Variants in RNF180 observed in about 807,000 individuals in gnomAD.
RNF180 encodes E3 ubiquitin-protein ligase RNF180.
Under a neutral mutation model 59.2 loss-of-function variants are expected in RNF180, and 38 were observed. The observed-to-expected ratio is 0.64, with a 90% confidence interval of 0.50 to 0.84. The LOEUF (loss-of-function observed/expected upper bound fraction) is 0.84. Among genes scored for constraint, RNF180 ranks in the 40% least tolerant of loss-of-function variants. The pLI, the probability that RNF180 is intolerant of heterozygous loss-of-function variation, is 0.00. For synonymous variants in RNF180, 262 were observed against 240.3 expected (o/e 1.09, Z -0.84); for missense variants, 705 against 700.9 (o/e 1.01, Z -0.07).
chr5:64,286,221 T>C (rs936675327), intron 5 of RNF180, among the ~76,000 whole-genome samples: 1 of 152,216 alleles, frequency 6.6e-6, no homozygotes, highest in Non-Finnish European at 1.5e-5. Flanking sequence ...TTAACAAGTA[T>C]GTATTTAAGG....
At chr5:64,302,773 C>A (rs1331556397) in intron 5 of RNF180, among the ~76,000 whole-genome samples, 2 of 151,632 alleles carry the variant, frequency 1.3e-5, no homozygotes, top group Non-Finnish European at 3.0e-5. Context: ...TTCCCCTGAT[C>A]TACTTTTGTC....
chr5:64,194,273 C>A (rs370754018), intron 1 of RNF180, among the ~76,000 whole-genome samples: 2 of 152,098 alleles, frequency 1.3e-5, no homozygotes, highest in East Asian at 1.9e-4. Context: ...TTTGTCCTTG[C>A]GATAGTTTGC....
chr5:64,365,282 G>A (rs866522577), intron 7 of RNF180, among the ~76,000 whole-genome samples: 1 of 151,712 alleles, frequency 6.6e-6, no homozygotes, highest in Admixed American at 6.6e-5. Flanking sequence ...TCATTCAGAA[G>A]CAGGTTGTTT....
At chr5:64,343,749 A>T (rs1745448263) in intron 7 of RNF180, among the ~76,000 whole-genome samples, 1 of 151,760 alleles carries the variant, frequency 6.6e-6, no homozygotes, top group Non-Finnish European at 1.5e-5. Flanking sequence ...CTTACTGCTA[A>T]CCAAGAATTC....
intron 7 of RNF180, among the ~76,000 whole-genome samples, chr5:64,333,588 T>C (rs1397903873): frequency 6.6e-6 from 1 of 152,240 alleles, no homozygotes; most frequent in African/African-American, 2.4e-5. Flanking sequence ...AAGAGTGTTC[T>C]TCAAAACAGT....
At chr5:64,296,909 C>T (rs759552892) in intron 5 of RNF180, among the ~76,000 whole-genome samples, 1 of 152,092 alleles carries the variant, frequency 6.6e-6, no homozygotes, top group Non-Finnish European at 1.5e-5. Flanking sequence ...CTTTGTGGAA[C>T]TCTCACACTT....
intron 7 of RNF180, among the ~76,000 whole-genome samples, chr5:64,332,701 TATA>T (rs1744960267): frequency 1.3e-5 from 2 of 152,348 alleles, no homozygotes; most frequent in African/African-American, 4.8e-5. Context: ...GGACATAAAA[TATA>T]ATTTCATCTT....
At chr5:64,279,439 G>GTTGTTTTTTGT (rs1293498936) in intron 5 of RNF180, among the ~76,000 whole-genome samples, 2 of 152,066 alleles carry the variant, frequency 1.3e-5, no homozygotes, top group South Asian at 2.1e-4. Context: ...TTTTTCTGTT[G>GTTGTTTTTTGT]TTGTTTTTTG....
chr5:64,257,053 G>A (rs1744013064), intron 5 of RNF180, among the ~76,000 whole-genome samples: 1 of 152,174 alleles, frequency 6.6e-6, no homozygotes, highest in Admixed American at 6.5e-5. Flanking sequence ...CATTGATTTT[G>A]TATCCTGAGA....
At chr5:64,312,243 A>G (rs762033985) in intron 5 of RNF180, among the ~76,000 whole-genome samples, 3 of 152,120 alleles carry the variant, frequency 2.0e-5, no homozygotes, top group Non-Finnish European at 4.4e-5. Context: ...ACTTGTAACA[A>G]AAAGATTTCT....
chr5:64,270,766 CAT>C lies in RNF180; in HGVS notation c.1227+53371_1227+53372del, dbSNP rs559250455. Reference sequence around the variant, plus strand: ...AGCTATTTGACTATTTTGCTTCTCTCATGTAGCTTTTCAGTTACTGAGGAAAG... The same window carrying C: ...AGCTATTTGACTATTTTGCTTCTCTCGTAGCTTTTCAGTTACTGAGGAAAG... On this transcript the variant is annotated intron_variant, in intron 5 of 7. Coordinates refer to ENST00000389100, the MANE Select transcript of RNF180 (RefSeq NM_001113561.2). 3.3e-3 allele frequency among the ~76,000 whole-genome samples: 500 copies of C among 152,188 alleles called. 3 individuals carry two copies. Among genetic ancestry groups the C allele is most frequent in the South Asian group, 1.0e-2 (48 of 4,824 alleles).
chr5:64,209,766 T>C (rs1448893132), intron 2 of RNF180, among the ~76,000 whole-genome samples: 1 of 152,114 alleles, frequency 6.6e-6, no homozygotes, highest in Non-Finnish European at 1.5e-5. Flanking sequence ...CTCTGTAAGA[T>C]TGTTTTAAAG....
chr5:64,345,562 C>G (rs1454286880), intron 7 of RNF180, among the ~76,000 whole-genome samples: 2 of 152,150 alleles, frequency 1.3e-5, no homozygotes, highest in East Asian at 3.9e-4. Flanking sequence ...GAGATGCAGT[C>G]TATAGTCTAA....
intron 1 of RNF180, among the ~76,000 whole-genome samples, chr5:64,174,247 G>T (rs143924786): frequency 6.6e-6 from 1 of 152,058 alleles, no homozygotes; most frequent in Non-Finnish European, 1.5e-5. Flanking sequence ...TGGGTATTGT[G>T]AATAGTACTG....
chr5:64,306,586 A>AATG (rs746539848), intron 5 of RNF180, among the ~76,000 whole-genome samples: 1 of 151,772 alleles, frequency 6.6e-6, no homozygotes, highest in Non-Finnish European at 1.5e-5. Context: ...AATGTCCAAC[A>AATG]ATGATAGACT....
intron 5 of RNF180, among the ~76,000 whole-genome samples, chr5:64,286,934 A>G (rs540358004): frequency 7.2e-5 from 11 of 152,234 alleles, no homozygotes; most frequent in Non-Finnish European, 1.5e-4. Flanking sequence ...AAGATAATAG[A>G]AGACGTCAAA....
At chr5:64,282,714 G>A (rs1334895582) in intron 5 of RNF180, among the ~76,000 whole-genome samples, 1 of 152,094 alleles carries the variant, frequency 6.6e-6, no homozygotes, top group Non-Finnish European at 1.5e-5. Context: ...GTTTTCCTGA[G>A]ATTCTGGTAT....
intron 1 of RNF180, among the ~76,000 whole-genome samples, chr5:64,198,294 T>C (rs1412051293): frequency 2.6e-5 from 4 of 152,114 alleles, no homozygotes; most frequent in African/African-American, 7.2e-5. Flanking sequence ...AGCTACTGTA[T>C]AGAATAGCTC....
chr5:64,326,179 A>G (rs1004267625), intron 6 of RNF180, among the ~76,000 whole-genome samples: 4 of 152,108 alleles, frequency 2.6e-5, no homozygotes, highest in Non-Finnish European at 5.9e-5. Flanking sequence ...TCTTCCCTCA[A>G]GGAAATACAA....
Sources: gnomAD v4.1 joint callset for allele counts (sites outside exome capture counted in the v4.1 genomes callset) on GRCh38, gnomAD v4.1.1 for gene constraint, MANE v1.5 for transcripts, NCBI Gene and HGNC (gene_info 2026-07-23, HGNC 2026-07-21) for gene names.